The following TRIM33 variants were observed in gnomAD, a reference collection of about 807,000 sequenced individuals.
The protein encoded by TRIM33 is tripartite motif containing 33.
TRIM33 carries 20 observed loss-of-function variants against 125.4 expected under a neutral mutation model. The ratio of observed to expected loss-of-function variants is 0.16; its 90% confidence interval spans 0.11 to 0.23. The LOEUF (loss-of-function observed/expected upper bound fraction) is 0.23, where lower values mean the gene tolerates loss of function less well. Among genes scored for constraint, TRIM33 ranks in the 10% least tolerant of loss-of-function variants. The probability of loss-of-function intolerance (pLI) is 1.00; values close to 1 mark genes in which losing one functional copy is unlikely to be tolerated. For missense variants in TRIM33, 920 were observed against 1,411.4 expected (o/e 0.65, Z 5.58); for synonymous variants, 564 against 513.9 (o/e 1.10, Z -1.32).
At chr1:114,479,694 T>C (rs190520956) in intron 1 of TRIM33, among the ~76,000 whole-genome samples, 4 of 152,206 alleles carry the variant, frequency 2.6e-5, no homozygotes, top group Admixed American at 6.5e-5. Context: ...ATACAAAAGA[T>C]AGAAATGGAG....
intron 15 of TRIM33, 182 bp downstream of exon 15, chr1:114,405,228 T>C (rs577690982): frequency 1.2e-5 from 7 of 560,600 alleles, no homozygotes; most frequent in African/African-American, 1.9e-5. Flanking sequence ...ATTAATGTAC[T>C]ACTTAGATCT....
In TRIM33 at chr1:114,399,487, C is replaced by G; in HGVS notation, c.3090G>C (p.Leu1030Phe). 6.2e-7 allele frequency: 1 copy of G among 1,613,680 alleles called. No individual in the cohort carries two copies. Among genetic ancestry groups the G allele is most frequent in the Non-Finnish European group, 8.5e-7 (1 of 1,179,788 alleles). ...TAAACCTTTCACAGTTCTTGAAGATCAAACGGACATCGGCCACAAAGTCAT... is the reference window on the plus strand; with the variant it reads ...TAAACCTTTCACAGTTCTTGAAGATGAAACGGACATCGGCCACAAAGTCAT... ...IPDDFVADVR[L>F]IFKNCERFNE... Residue 1030 changes from leucine (L) to phenylalanine (F), a missense_variant, in exon 18 of 20, where the codon TTG becomes TTC. Physicochemically the swap from Leu to Phe is conservative, Grantham distance 22 (BLOSUM62 0). This residue lies in a region of TRIM33 where 122 missense variants were observed against 236.8 expected (regional missense o/e 0.52). Transcript: ENST00000358465.
chr1:114,494,023 C>T (rs1421631707), intron 1 of TRIM33, among the ~76,000 whole-genome samples: 1 of 152,114 alleles, frequency 6.6e-6, no homozygotes. Flanking sequence ...TGGGGTTTCA[C>T]CAGGTTGGCC....
intron 2 of TRIM33, among the ~76,000 whole-genome samples, chr1:114,464,037 G>A (rs889994608): frequency 2.0e-5 from 3 of 152,134 alleles, no homozygotes; most frequent in Non-Finnish European, 4.4e-5. Flanking sequence ...CCTAAGTGCT[G>A]CGACAACAGG....
intron 11 of TRIM33, among the ~76,000 whole-genome samples, chr1:114,417,134 A>G (rs1363824700): frequency 1.3e-5 from 2 of 152,232 alleles, no homozygotes; most frequent in African/African-American, 2.4e-5. Context: ...AAGGCCAAAT[A>G]TAATTCCATT....
chr1:114,441,913 G>GT (rs1557867770), intron 4 of TRIM33, among the ~76,000 whole-genome samples: 1 of 152,146 alleles, frequency 6.6e-6, no homozygotes, highest in African/African-American at 2.4e-5. Flanking sequence ...TCTTCAGATA[G>GT]TTTGATATCC....
At chr1:114,448,242 A>G (rs191291589) in intron 4 of TRIM33, among the ~76,000 whole-genome samples, 15 of 152,304 alleles carry the variant, frequency 9.8e-5, no homozygotes, top group African/African-American at 3.6e-4. Context: ...TTCATCTAAG[A>G]TAACAGAAAT....
chr1:114,419,633 T>G (rs1269757837), intron 11 of TRIM33, among the ~76,000 whole-genome samples: 1 of 151,440 alleles, frequency 6.6e-6, no homozygotes, highest in Non-Finnish European at 1.5e-5. Context: ...CAAAAAAGAC[T>G]TCTCCTAGTA....
rs763029557 is a variant in TRIM33, at chr1:114,402,824, C to T, written c.2828G>A (p.Cys943Tyr). The T allele has an allele frequency of 5.0e-6, 8 of 1,614,034 alleles. No individual in the cohort carries two copies. Among genetic ancestry groups the T allele is most frequent in the Admixed American group, 3.3e-5 (2 of 60,004 alleles). Residue 943 changes from cysteine to tyrosine, a missense_variant, in exon 16 of 20, where the codon TGT becomes TAT. This residue lies in a region of TRIM33 where 122 missense variants were observed against 236.8 expected (regional missense o/e 0.52). Transcript: ENST00000358465. ...DIGKPEVEYD[C>Y]DNLQHSKKGK... ...CTTCTTACTATGTTGCAAATTATCA[C>T]AATCATATTCAACTTCTGGCTTTCC...
intron 10 of TRIM33, among the ~76,000 whole-genome samples, chr1:114,422,578 C>T (rs768079036): frequency 6.6e-6 from 1 of 151,926 alleles, no homozygotes; most frequent in African/African-American, 2.4e-5. Flanking sequence ...GCCCTTCCTC[C>T]ATCCTTGACA....
intron 11 of TRIM33, among the ~76,000 whole-genome samples, chr1:114,417,324 T>C (rs1322017244): frequency 1.3e-5 from 2 of 152,228 alleles, no homozygotes; most frequent in South Asian, 2.1e-4. Context: ...TGTACATTTT[T>C]AGAGTGGATC....
intron 1 of TRIM33, among the ~76,000 whole-genome samples, chr1:114,481,548 G>A (rs150448198): frequency 1.7e-3 from 257 of 150,670 alleles, no homozygotes; most frequent in African/African-American, 5.7e-3. Flanking sequence ...CTGAGATTGC[G>A]CCACTGCACT....
intron 1 of TRIM33, among the ~76,000 whole-genome samples, chr1:114,486,158 C>T (rs971501956): frequency 6.6e-6 from 1 of 151,986 alleles, no homozygotes; most frequent in African/African-American, 2.4e-5. Context: ...CACCTGTAGT[C>T]CCAGCTATTT....
chr1:114,424,948 T>G (rs1418757531), intron 9 of TRIM33, among the ~76,000 whole-genome samples, 193 bp from the exon 10 acceptor site: 1 of 151,654 alleles, frequency 6.6e-6, no homozygotes, highest in Non-Finnish European at 1.5e-5. Flanking sequence ...CTAATTTCCC[T>G]TGTCTCTCTC....
At chr1:114,426,910 A>C (rs1647624527) in intron 8 of TRIM33, among the ~76,000 whole-genome samples, 1 of 152,212 alleles carries the variant, frequency 6.6e-6, no homozygotes, top group Admixed American at 6.5e-5. Flanking sequence ...CAGTCAATAT[A>C]AATTTAAAAG....
intron 1 of TRIM33, among the ~76,000 whole-genome samples, chr1:114,506,274 T>C (rs1652997724): frequency 6.7e-6 from 1 of 149,724 alleles, no homozygotes; most frequent in Non-Finnish European, 1.5e-5. Context: ...TATCAGCTAC[T>C]GGGGAGGCTG....
chr1:114,434,254 C>T (rs746344710), intron 4 of TRIM33, among the ~76,000 whole-genome samples: 2 of 152,172 alleles, frequency 1.3e-5, no homozygotes, highest in African/African-American at 4.8e-5. Flanking sequence ...AATCCTCCTG[C>T]CTTGGCCTCT....
chr1:114,404,931 C>T (rs1226607100), intron 15 of TRIM33: 2 of 142,634 alleles, frequency 1.4e-5, no homozygotes, highest in East Asian at 4.2e-4. Flanking sequence ...CTGAAAAAAA[C>T]AAGTATGACT....
At chr1:114,477,315 A>G (rs1331896203) in intron 1 of TRIM33, among the ~76,000 whole-genome samples, 1 of 152,128 alleles carries the variant, frequency 6.6e-6, no homozygotes, top group African/African-American at 2.4e-5. Flanking sequence ...CCAAAATATT[A>G]AATAGCATTT....
Sources: allele counts gnomAD v4.1 joint callset (sites outside exome capture counted in the v4.1 genomes callset), GRCh38; gene constraint gnomAD v4.1.1; regional missense constraint gnomAD v4.1.1; transcripts MANE v1.5; gene names NCBI Gene and HGNC (gene_info 2026-07-23, HGNC 2026-07-21).